The following SIPA1L3 variants were observed in gnomAD, a reference collection of about 807,000 sequenced individuals.
SIPA1L3 encodes signal-induced proliferation-associated 1-like protein 3.
A neutral mutation model predicts 150.1 loss-of-function variants in SIPA1L3; 59 were observed. That is an observed-to-expected ratio of 0.39 (90% CI 0.32 to 0.49). The LOEUF is 0.49. SIPA1L3 is among the 20% of genes least tolerant of loss of function. SIPA1L3 has a pLI of 0.86. For missense variants in SIPA1L3, 2,211 were observed against 2,489.5 expected (o/e 0.89, Z 2.38); for synonymous variants, 1,070 against 1,077.6 (o/e 0.99, Z 0.14).
chr19:38,177,083 C>T (rs936548717), intron 15 of SIPA1L3, among the ~76,000 whole-genome samples: 3 of 152,076 alleles, frequency 2.0e-5, no homozygotes, highest in Admixed American at 1.3e-4. Context: ...TTAGCTGGGC[C>T]GGGCGCGGTG....
chr19:38,171,699 T>C (rs930991640), intron 15 of SIPA1L3, among the ~76,000 whole-genome samples: 1 of 151,988 alleles, frequency 6.6e-6, no homozygotes, highest in Non-Finnish European at 1.5e-5. Context: ...GGCCAAAAAT[T>C]TTTTTAAATT....
chr19:38,109,417 G>A (rs1484062580), intron 7 of SIPA1L3: 1 of 152,162 alleles, frequency 6.6e-6, no homozygotes, highest in Non-Finnish European at 1.5e-5. Flanking sequence ...CACGACATGT[G>A]GGAATTATGG....
intron 16 of SIPA1L3, among the ~76,000 whole-genome samples, chr19:38,183,520 G>A (rs1972608502): frequency 6.6e-6 from 1 of 152,186 alleles, no homozygotes; most frequent in Non-Finnish European, 1.5e-5. Context: ...TGAGTGGGGA[G>A]CAGGCTTGGG....
intron 15 of SIPA1L3, among the ~76,000 whole-genome samples, chr19:38,166,820 C>A (rs1172858543): frequency 6.6e-6 from 1 of 152,036 alleles, no homozygotes; most frequent in African/African-American, 2.4e-5. Flanking sequence ...AAGCCTTTTC[C>A]AGTCCTCAAA....
In SIPA1L3 at chr19:38,204,161, T is replaced by C; in HGVS notation, c.5155T>C (p.Tyr1719His). Reference protein sequence around the residue: ...EPPLDLTGKVYQLEVMLKQLH... With the variant: ...EPPLDLTGKVHQLEVMLKQLH... ...ACCCCTGGATCTGACAGGCAAGGTG[T>C]ACCAGCTGGAGGTGATGCTGAAACA... The change falls in exon 21 of 22, where the codon TAC becomes CAC. Residue 1719 changes from tyrosine to histidine, a missense_variant. Coordinates refer to ENST00000222345, the MANE Select transcript of SIPA1L3 (RefSeq NM_015073.3). 1.3e-6 allele frequency: 2 copies of C among 1,560,694 alleles called. No homozygotes were observed. The highest frequency in any genetic ancestry group is 1.7e-6 in the Non-Finnish European group (2 of 1,151,408).
At chr19:37,981,192 G>T (rs1043096626) in intron 1 of SIPA1L3, among the ~76,000 whole-genome samples, 4 of 152,060 alleles carry the variant, frequency 2.6e-5, no homozygotes, top group Non-Finnish European at 5.9e-5. Context: ...CAGCATTTTG[G>T]GAGGCTGAAG....
At chr19:38,110,809 A>G (rs949082067) in intron 8 of SIPA1L3, among the ~76,000 whole-genome samples, 1 of 151,952 alleles carries the variant, frequency 6.6e-6, no homozygotes, top group Non-Finnish European at 1.5e-5. Context: ...CTTTCCCAAG[A>G]GTTGCATCAG....
chr19:37,909,139 G>A (rs930916636), intron 1 of SIPA1L3, among the ~76,000 whole-genome samples: 1 of 152,198 alleles, frequency 6.6e-6, no homozygotes, highest in Non-Finnish European at 1.5e-5. Context: ...CTAGCAAGAA[G>A]GACGAAGCTG....
At chr19:38,202,399 C>A (rs1973107042) in intron 20 of SIPA1L3, among the ~76,000 whole-genome samples, 1 of 151,824 alleles carries the variant, frequency 6.6e-6, no homozygotes, top group Non-Finnish European at 1.5e-5. Context: ...ACCAGCCTGA[C>A]CAACATGGTG....
intron 2 of SIPA1L3, among the ~76,000 whole-genome samples, chr19:38,031,704 AT>A (rs1284569963): frequency 6.6e-6 from 1 of 152,138 alleles, no homozygotes; most frequent in African/African-American, 2.4e-5. Flanking sequence ...TCCCTTTGTA[AT>A]TAATGGCTAT....
At position 38,141,295 on chromosome 19, in the gene SIPA1L3, C is replaced by T. The variant is rs758200193; in HGVS notation, c.3255C>T (p.Ser1085=). Reference sequence around the variant, plus strand: ...GCAGCAATGCTCCCTGGCAGTGGAGCGGGCCCGCATCCCATAACTCTCTAC... The same window carrying T: ...GCAGCAATGCTCCCTGGCAGTGGAGTGGGCCCGCATCCCATAACTCTCTAC... The part of the protein sequence containing the change: ...PYRSNAPWQW[S]GPASHNSLPA... The change falls in exon 11 of 22, where the codon AGC becomes AGT. Residue 1085 remains serine (S), a synonymous_variant. Transcript: ENST00000222345. 100 of 1,613,814 alleles carry T rather than the reference C, an allele frequency of 6.2e-5. No individual in the cohort carries two copies. Among genetic ancestry groups the T allele is most frequent in the Admixed American group, 8.3e-5 (5 of 59,976 alleles).
At chr19:38,056,694 T>C (rs1403356947) in intron 2 of SIPA1L3, among the ~76,000 whole-genome samples, 1 of 152,236 alleles carries the variant, frequency 6.6e-6, no homozygotes, top group Admixed American at 6.5e-5. Context: ...TGAATGGAAG[T>C]AAATCAAATG....
chr19:37,955,391 C>CAAA (rs35650003), intron 1 of SIPA1L3, among the ~76,000 whole-genome samples: 12 of 120,578 alleles, frequency 1.0e-4, no homozygotes, highest in Admixed American at 3.3e-4. Context: ...AACTCTGTCT[C>CAAA]AAAAAAAAAA....
intron 2 of SIPA1L3, among the ~76,000 whole-genome samples, chr19:38,071,259 A>G (rs963850356): frequency 4.0e-4 from 55 of 136,950 alleles, no homozygotes; most frequent in African/African-American, 1.3e-3. Context: ...CTATCTATCT[A>G]TCTATCTGCC....
At chr19:37,934,272 C>T (rs1394434328) in intron 1 of SIPA1L3, among the ~76,000 whole-genome samples, 1 of 152,194 alleles carries the variant, frequency 6.6e-6, no homozygotes, top group Non-Finnish European at 1.5e-5. Flanking sequence ...CTTCGCGCCG[C>T]TGTAGCATAC....
chr19:38,138,915 A>AAAAAAAAAAAAAAT, intron 10 of SIPA1L3, among the ~76,000 whole-genome samples: 1 of 140,818 alleles, frequency 7.1e-6, no homozygotes, highest in Non-Finnish European at 1.5e-5. Context: ...AAAAAAAAAA[A>AAAAAAAAAAAAAAT]CTGAGTGTGG....
intron 21 of SIPA1L3, among the ~76,000 whole-genome samples, chr19:38,204,725 C>T (rs752166663): frequency 2.6e-5 from 4 of 151,998 alleles, no homozygotes; most frequent in Non-Finnish European, 5.9e-5. Context: ...GAGATCATGC[C>T]ACTGGGCTCC....
chr19:38,027,659 GT>G (rs1968544596), intron 1 of SIPA1L3, among the ~76,000 whole-genome samples: 1 of 151,934 alleles, frequency 6.6e-6, no homozygotes, highest in Admixed American at 6.6e-5. Context: ...AGGTTGCTGG[GT>G]TCACATCCTG....
chr19:38,125,013 C>A (rs939697353), intron 9 of SIPA1L3, among the ~76,000 whole-genome samples: 1 of 149,664 alleles, frequency 6.7e-6, no homozygotes, highest in African/African-American at 2.5e-5. Context: ...AGAGGGAGAC[C>A]GTGGGGAGAG....
Sources: allele counts gnomAD v4.1 joint callset (sites outside exome capture counted in the v4.1 genomes callset), GRCh38; gene constraint gnomAD v4.1.1; transcripts MANE v1.5; gene names NCBI Gene and HGNC (gene_info 2026-07-23, HGNC 2026-07-21).